PRSS23: variants seen among roughly 807,000 people sequenced by gnomAD.
The protein encoded by PRSS23 is protease, serine 23.
A neutral mutation model predicts 34.7 loss-of-function variants in PRSS23; 25 were observed. The ratio of observed to expected loss-of-function variants is 0.72; its 90% CI spans 0.53 to 1.01. The LOEUF is 1.01. Ranked by LOEUF, PRSS23 falls within the 50% of genes least tolerant of loss-of-function variation. The probability of loss-of-function intolerance (pLI) is 0.00; values close to 1 mark genes in which losing one functional copy is unlikely to be tolerated. For missense variants in PRSS23, 445 were observed against 475.6 expected (o/e 0.94, Z 0.60); for synonymous variants, 176 against 186.6 (o/e 0.94, Z 0.46).
At chr11:86,938,563 G>C (rs551332387) in intron 2 of PRSS23, among the ~76,000 whole-genome samples, 2 of 152,186 alleles carry the variant, frequency 1.3e-5, no homozygotes, top group African/African-American at 2.4e-5. Context: ...GAAGAGGAAT[G>C]ATGTGGCTGG....
chr11:86,950,972 G>T, intron 2 of PRSS23: 1 of 710,966 alleles, frequency 1.4e-6, no homozygotes, highest in Non-Finnish European at 2.4e-6. Flanking sequence ...CAAAATCATT[G>T]GTTTTTTGAT....
chr11:86,891,465 G>A (rs569893807), intron 2 of PRSS23, among the ~76,000 whole-genome samples: 1 of 152,256 alleles, frequency 6.6e-6, no homozygotes, highest in Admixed American at 6.5e-5. Context: ...CCTGTTGAAA[G>A]CTCCTCCAGG....
At chr11:86,848,605 C>G (rs1174604321) in intron 2 of PRSS23, among the ~76,000 whole-genome samples, 1 of 152,160 alleles carries the variant, frequency 6.6e-6, no homozygotes, top group Non-Finnish European at 1.5e-5. Context: ...CCCCGTAACT[C>G]CGGATTCCCT....
intron 2 of PRSS23, among the ~76,000 whole-genome samples, chr11:86,918,878 T>C: frequency 6.6e-6 from 1 of 152,204 alleles, no homozygotes; most frequent in Admixed American, 6.5e-5. Context: ...GCTCTTTGAA[T>C]TTATTATTAT....
chr11:86,793,384 C>A (rs368641804), intron 1 of PRSS23, among the ~76,000 whole-genome samples: 1 of 152,318 alleles, frequency 6.6e-6, no homozygotes, highest in East Asian at 1.9e-4. Flanking sequence ...CAACTCAGAA[C>A]ACCCTGTAGT....
rs989038516 is a variant in PRSS23, at chr11:86,821,936, T to G, written c.-11-1441T>G. 3.0e-4 allele frequency among the ~76,000 whole-genome samples: 45 copies of G among 152,266 alleles called. 1 individual carries two copies. Among genetic ancestry groups the G allele is most frequent in the Admixed American group, 2.6e-3 (40 of 15,292 alleles). The stretch of plus-strand genomic sequence containing the variant: ...AAAAGCACTTGCTTTTATCTGAATT[T>G]TAAAAGGAGAATTGACATTACAGAT... On this transcript the variant is annotated intron_variant, in intron 1 of 2. Coordinates refer to the PRSS23 transcript ENST00000533902.
chr11:86,829,343 G>T (rs12792551), intron 2 of PRSS23, among the ~76,000 whole-genome samples: 8 of 152,028 alleles, frequency 5.3e-5, no homozygotes, highest in African/African-American at 1.9e-4. Context: ...TTTCAGCTCC[G>T]TCAGCTCCTT....
intron 2 of PRSS23, among the ~76,000 whole-genome samples, chr11:86,824,072 C>T (rs1161056995): frequency 6.8e-6 from 1 of 146,680 alleles, no homozygotes; most frequent in African/African-American, 2.5e-5. Flanking sequence ...AAGTCAAAGC[C>T]AAAAGAGGGC....
chr11:86,939,423 T>TTTTTTTTTTAAAAAA (rs1565392807), intron 2 of PRSS23, among the ~76,000 whole-genome samples: 4 of 100,430 alleles, frequency 4.0e-5, no homozygotes, highest in Non-Finnish European at 9.0e-5. Flanking sequence ...TATATATATA[T>TTTTTTTTTTAAAAAA]ATATTTTTTA....
intron 2 of PRSS23, chr11:86,947,827 G>A (rs980264478): frequency 2.0e-5 from 3 of 152,294 alleles, no homozygotes; most frequent in African/African-American, 4.8e-5. Context: ...TTGGACAGAG[G>A]TGCCATTGCA....
chr11:86,808,227 T>C lies in PRSS23; in HGVS notation c.584T>C (p.Leu195Pro). 6.2e-7 allele frequency: 1 copy of C among 1,614,078 alleles called. No homozygotes were observed. Among genetic ancestry groups the C allele is most frequent in the East Asian group, 2.2e-5 (1 of 44,866 alleles). ...ACCCAGAAGCTTCGAGTGGGCTTCC[T>C]AAAGCCCAAGTTTAAAGATGGTGGT... The part of the protein sequence containing the change: ...KGTQKLRVGF[L>P]KPKFKDGGRG... The change falls in exon 2 of 2, where the codon CTA becomes CCA. Residue 195 changes from leucine to proline, a missense_variant. Coordinates refer to ENST00000280258, the MANE Select transcript of PRSS23 (RefSeq NM_007173.6).
chr11:86,801,080 A>G (rs1948032206), intron 1 of PRSS23, among the ~76,000 whole-genome samples: 1 of 152,110 alleles, frequency 6.6e-6, no homozygotes, highest in African/African-American at 2.4e-5. Context: ...AGTTCTGAAT[A>G]TTAAGTTTTA....
chr11:86,929,803 T>C (rs1275460975), intron 2 of PRSS23, among the ~76,000 whole-genome samples: 1 of 152,136 alleles, frequency 6.6e-6, no homozygotes, highest in Admixed American at 6.6e-5. Flanking sequence ...TAAATGGCCA[T>C]CAGCACAGGC....
intron 1 of PRSS23, 30 bp from the exon 2 acceptor site, chr11:86,807,601 C>T (rs980166815): frequency 6.5e-7 from 1 of 1,547,606 alleles, no homozygotes; most frequent in African/African-American, 1.4e-5. Context: ...AGCCCTTGCC[C>T]TCCTGACCTG....
chr11:86,908,932 A>G (rs1337721779), intron 2 of PRSS23: 1 of 151,878 alleles, frequency 6.6e-6, no homozygotes, highest in Non-Finnish European at 1.5e-5. Context: ...CATTTTATCA[A>G]GATTCCCAAG....
At chr11:86,905,923 G>C (rs567792743) in intron 2 of PRSS23, among the ~76,000 whole-genome samples, 46 of 152,226 alleles carry the variant, frequency 3.0e-4, no homozygotes, top group Non-Finnish European at 1.8e-4. Flanking sequence ...AACAAAGAAG[G>C]TGAGGATGAA....
intron 2 of PRSS23, among the ~76,000 whole-genome samples, chr11:86,919,155 C>T (rs1949032449): frequency 6.6e-6 from 1 of 152,194 alleles, no homozygotes; most frequent in South Asian, 2.1e-4. Flanking sequence ...AGCAGCGGGG[C>T]CCAGAAATTT....
rs374570816 is a variant in PRSS23 at position 86,833,004 on chromosome 11, GA to G, written c.206+9422del. Reference sequence around the variant, plus strand: ...TGCAGCTGGGAGTCTAAAAGACTGAGAAAAAAAAAAACACAAAACTAGGAAG... The same window carrying G: ...TGCAGCTGGGAGTCTAAAAGACTGAGAAAAAAAAAACACAAAACTAGGAAG... On this transcript the variant is annotated intron_variant, in intron 2 of 2. Transcript: ENST00000533902. 3,273 of 346,252 alleles carry G rather than the reference GA, an allele frequency of 9.5e-3. 1 individual carries two copies. The highest frequency in any genetic ancestry group is 0.018 in the Middle Eastern group (18 of 1,016). The allele number at this position is 346,252 out of a possible 1,614,324, so 21.4% of individuals were successfully genotyped here.
At chr11:86,843,497 G>A (rs1235254294) in intron 2 of PRSS23, among the ~76,000 whole-genome samples, 1 of 152,034 alleles carries the variant, frequency 6.6e-6, no homozygotes, top group Non-Finnish European at 1.5e-5. Flanking sequence ...CTACAGAATG[G>A]GAGAAAATTT....
Sources: allele counts gnomAD v4.1 joint callset (sites outside exome capture counted in the v4.1 genomes callset), GRCh38; gene constraint gnomAD v4.1.1; transcripts MANE v1.5; gene names NCBI Gene and HGNC (gene_info 2026-07-23, HGNC 2026-07-21).